The following SLIT2 variants were observed in gnomAD, a reference collection of about 807,000 sequenced individuals.
SLIT2 encodes slit homolog 2 protein.
SLIT2 carries 41 observed loss-of-function variants against 185.7 expected under a neutral mutation model. That is an observed-to-expected ratio of 0.22 (90% confidence interval 0.17 to 0.29). SLIT2 has a LOEUF of 0.29. Ranked by LOEUF, SLIT2 falls within the 10% of genes least tolerant of loss-of-function variation. The probability of loss-of-function intolerance (pLI) is 1.00; values close to 1 mark genes in which losing one functional copy is unlikely to be tolerated. For synonymous variants in SLIT2, 693 were observed against 680.2 expected, an observed-to-expected ratio of 1.02 and a Z score of -0.29; for missense variants, 1,571 against 1,909.0, an observed-to-expected ratio of 0.82 and a Z score of 3.30.
intron 29 of SLIT2, 115 bp downstream of exon 29, chr4:20,569,119 C>T (rs1230266018): frequency 1.1e-6 from 1 of 872,714 alleles, no homozygotes; most frequent in African/African-American, 1.7e-5. Flanking sequence ...TGGTAGGTGT[C>T]TTGAAAATCA....
At chr4:20,596,357 C>A in intron 31 of SLIT2, 58 bp from the exon 32 acceptor site, 2 of 1,529,370 alleles carry the variant, frequency 1.3e-6, no homozygotes, top group South Asian at 1.2e-5. Context: ...GCTCTCAATT[C>A]AGATTGGCAA....
intron 33 of SLIT2, among the ~76,000 whole-genome samples, chr4:20,608,891 C>T (rs937649611): frequency 2.6e-5 from 4 of 152,114 alleles, no homozygotes; most frequent in African/African-American, 9.7e-5. Context: ...CCCATGTTTC[C>T]ATGTTGGAGC....
At chr4:20,533,738 C>T (rs1384424978) in intron 18 of SLIT2, 23 bp downstream of exon 18, 1 of 1,597,340 alleles carries the variant, frequency 6.3e-7, no homozygotes, top group Non-Finnish European at 8.5e-7. Context: ...ACTTGCATTG[C>T]AGTTCTTCTA....
At chr4:20,354,147 A>C (rs562483235) in intron 4 of SLIT2, among the ~76,000 whole-genome samples, 1 of 152,258 alleles carries the variant, frequency 6.6e-6, no homozygotes, top group South Asian at 2.1e-4. Context: ...GGCAGGCATC[A>C]ATTTGTCATT....
intron 4 of SLIT2, among the ~76,000 whole-genome samples, chr4:20,390,949 A>G (rs970687742): frequency 3.3e-5 from 5 of 151,990 alleles, no homozygotes; most frequent in Admixed American, 1.3e-4. Context: ...GAAAAAATAC[A>G]CAAAGTATCT....
At chr4:20,489,249 A>G (rs189131582) in intron 8 of SLIT2, among the ~76,000 whole-genome samples, 1 of 152,304 alleles carries the variant, frequency 6.6e-6, no homozygotes, top group East Asian at 1.9e-4. Context: ...TCGCTAAATG[A>G]TGATTCTACT....
intron 11 of SLIT2, among the ~76,000 whole-genome samples, chr4:20,513,849 CAGAG>C (rs1291108623): frequency 1.3e-5 from 2 of 152,034 alleles, no homozygotes; most frequent in Non-Finnish European, 2.9e-5. Flanking sequence ...GCATTCAAGA[CAGAG>C]GGAACGGTTA....
In SLIT2 at chr4:20,254,187, C is replaced by A. The variant is rs1349030793; in HGVS notation, c.179+193C>A. Among the ~76,000 whole-genome samples the A allele has an allele frequency of 1.3e-5, 2 of 152,078 alleles. No homozygotes were observed. The highest frequency in any genetic ancestry group is 2.9e-5 in the Non-Finnish European group (2 of 68,010). On this transcript the variant is annotated intron_variant, in intron 1 of 36. Coordinates refer to ENST00000504154, the MANE Select transcript of SLIT2 (RefSeq NM_004787.4). This position sits in a 1 kb window ranked among gnomAD's most constrained non-coding sequence, Gnocchi z 5.1. ...GGCCTCTGTCCAAGGAGGGGCGGGT[C>A]CGCTGGCAGCTGCGCTAGTTCTCCC...
At position 20,588,528 on chromosome 4, in the gene SLIT2, T is replaced by A. The variant is rs140883765; in HGVS notation, c.3089-1116T>A. On this transcript the variant is annotated intron_variant, in intron 29 of 36. Coordinates refer to ENST00000504154, the MANE Select transcript of SLIT2 (RefSeq NM_004787.4). ...AACAGCTGCCTATAGATGTGTCACT[T>A]TATTTGTCCATTTATTGCATATAAA... 2.7e-3 allele frequency among the ~76,000 whole-genome samples: 410 copies of A among 152,294 alleles called. 4 individuals are homozygous for A. The highest frequency in any genetic ancestry group is 9.5e-3 in the African/African-American group (394 of 41,564).
rs1016004968 is a variant in SLIT2, at chr4:20,620,135, C to T, written c.*1126C>T. 1.8e-4 allele frequency: 42 copies of T among 237,442 alleles called. No individual in the cohort carries two copies. Among genetic ancestry groups the T allele is most frequent in the Middle Eastern group, 1.6e-3 (1 of 612 alleles). 14.7% of individuals were successfully genotyped at this position (237,442 alleles called of 1,614,324 possible). On this transcript the variant is annotated 3_prime_UTR_variant, in exon 37 of 37. Transcript: ENST00000504154. Reference sequence around the variant, plus strand: ...AGAAGTGGCCCCTCTGCAACATGTCCTCACAGAAACGAAATGGTGTGTAGC... The same window carrying T: ...AGAAGTGGCCCCTCTGCAACATGTCTTCACAGAAACGAAATGGTGTGTAGC...
intron 4 of SLIT2, among the ~76,000 whole-genome samples, chr4:20,271,318 C>T (rs16869450): frequency 0.038 from 5,574 of 148,104 alleles, 254 homozygotes; most frequent in East Asian, 0.1. Context: ...TATATATGAT[C>T]GTTTTATAAA....
intron 4 of SLIT2, among the ~76,000 whole-genome samples, chr4:20,464,315 C>T (rs747729733): frequency 2.0e-4 from 31 of 152,136 alleles, no homozygotes; most frequent in Non-Finnish European, 3.8e-4. Flanking sequence ...CCGTGTCCTC[C>T]TCCCGACTAT....
At chr4:20,301,977 G>A (rs1479614257) in intron 4 of SLIT2, among the ~76,000 whole-genome samples, 2 of 152,002 alleles carry the variant, frequency 1.3e-5, no homozygotes, top group Non-Finnish European at 2.9e-5. Flanking sequence ...ATAAGGACTG[G>A]GTTTTCCTAT....
intron 20 of SLIT2, 37 bp from the exon 21 acceptor site, chr4:20,542,457 C>A: frequency 6.2e-7 from 1 of 1,609,904 alleles, no homozygotes; most frequent in African/African-American, 1.3e-5. Flanking sequence ...TTCAAGACCA[C>A]AAATCTTGGT....
intron 3 of SLIT2, among the ~76,000 whole-genome samples, chr4:20,264,600 A>G (rs1398990407): frequency 6.6e-6 from 1 of 151,926 alleles, no homozygotes; most frequent in Non-Finnish European, 1.5e-5. Flanking sequence ...GCTGGCAGAT[A>G]ATAATTCAAA....
chr4:20,254,862 T>G lies in SLIT2; in HGVS notation c.179+868T>G. 1 of 452,368 alleles carries G rather than the reference T, an allele frequency of 2.2e-6. No homozygotes were observed. Among genetic ancestry groups the G allele is most frequent in the Non-Finnish European group, 4.4e-6 (1 of 224,888 alleles). The allele number at this position is 452,368 out of a possible 1,614,324, so 28.0% of individuals were successfully genotyped here. A position where few individuals can be genotyped will look rare whatever the true frequency, so the allele number is the denominator to read the frequency against. On this transcript the variant is annotated intron_variant, in intron 1 of 36. Transcript: ENST00000504154. The surrounding 1 kb of genome is among the most constrained non-coding windows in gnomAD (Gnocchi z 5.1). ...TCTGCGCCCCTTCACGTGGCAGCAG[T>G]TCCCCTGCCTTCCCCTCTTCGCGCT...
rs1479410272 is a variant in SLIT2 at position 20,484,061 on chromosome 4, A to G, written c.540-2139A>G. Reference sequence around the variant, plus strand: ...TTATGTGAACTAACATTTTGAGAAAAGACTTCAAATTGATAACTGAAGTTT... The same window carrying G: ...TTATGTGAACTAACATTTTGAGAAAGGACTTCAAATTGATAACTGAAGTTT... On this transcript the variant is annotated intron_variant, in intron 6 of 36. Coordinates refer to ENST00000504154, the MANE Select transcript of SLIT2 (RefSeq NM_004787.4). This position sits in a 1 kb window ranked among gnomAD's most constrained non-coding sequence, Gnocchi z 4.3. 2.6e-5 allele frequency among the ~76,000 whole-genome samples: 4 copies of G among 152,080 alleles called. No individual in the cohort carries two copies. Among genetic ancestry groups the G allele is most frequent in the African/African-American group, 9.7e-5 (4 of 41,436 alleles).
chr4:20,604,339 C>T (rs1476613203), intron 33 of SLIT2, among the ~76,000 whole-genome samples: 5 of 152,136 alleles, frequency 3.3e-5, no homozygotes, highest in African/African-American at 7.2e-5. Context: ...AAAATTCTTA[C>T]AGGTATATTT....
intron 4 of SLIT2, among the ~76,000 whole-genome samples, chr4:20,458,521 T>C (rs1362667046): frequency 1.3e-5 from 2 of 152,236 alleles, no homozygotes; most frequent in Non-Finnish European, 2.9e-5. Flanking sequence ...TTCTGCCTAA[T>C]ATTTCTGGAG....
Sources: allele counts gnomAD v4.1 joint callset (sites outside exome capture counted in the v4.1 genomes callset), GRCh38; gene constraint gnomAD v4.1.1; non-coding constraint Gnocchi (gnomAD v3.1); transcripts MANE v1.5; gene names NCBI Gene and HGNC (gene_info 2026-07-23, HGNC 2026-07-21).